ROCK1: variants seen among roughly 807,000 people sequenced by gnomAD.
ROCK1 encodes Rho associated coiled-coil containing protein kinase 1, also known as rho-associated protein kinase 1.
A neutral mutation model predicts 196.8 loss-of-function variants in ROCK1; 36 were observed. The observed-to-expected ratio is 0.18, with a 90% CI of 0.14 to 0.24. ROCK1 has a LOEUF of 0.24. ROCK1 is among the 10% of genes least tolerant of loss of function. The pLI is 1.00. For synonymous variants in ROCK1, 443 were observed against 515.9 expected (o/e 0.86, Z 1.91); for missense variants, 920 against 1,562.0 (o/e 0.59, Z 6.93).
chr18:21,048,682 T>A (rs2036180845), intron 4 of ROCK1, among the ~76,000 whole-genome samples: 1 of 152,216 alleles, frequency 6.6e-6, no homozygotes, highest in East Asian at 1.9e-4. Context: ...CCCCAGTAGC[T>A]GGAACCACAG....
chr18:20,967,487 G>A (rs146088452), intron 26 of ROCK1, among the ~76,000 whole-genome samples: 86 of 152,108 alleles, frequency 5.7e-4, no homozygotes, highest in African/African-American at 2.0e-3. Flanking sequence ...AAGCCAAGGG[G>A]TATCAAAAAA....
intron 1 of ROCK1, among the ~76,000 whole-genome samples, chr18:21,107,089 A>AT (rs1422866066): frequency 6.6e-6 from 1 of 152,180 alleles, no homozygotes; most frequent in Non-Finnish European, 1.5e-5. Context: ...CCTGAAGGTT[A>AT]TTTTTTGCAA....
chr18:21,105,733 A>T (rs1412677994), intron 1 of ROCK1, among the ~76,000 whole-genome samples: 2 of 152,248 alleles, frequency 1.3e-5, no homozygotes, highest in Non-Finnish European at 1.5e-5. Context: ...TGAGACTAAC[A>T]TGACATCCAA....
chr18:21,009,665 C>T (rs1213955661), intron 13 of ROCK1, among the ~76,000 whole-genome samples: 2 of 152,094 alleles, frequency 1.3e-5, no homozygotes, highest in Non-Finnish European at 2.9e-5. Flanking sequence ...ATTTTATATC[C>T]CCATCTGCAA....
intron 1 of ROCK1, 32 bp downstream of exon 1, chr18:21,110,786 C>G (rs375386559): frequency 6.4e-7 from 1 of 1,568,600 alleles, no homozygotes; most frequent in Admixed American, 1.7e-5. Flanking sequence ...ATGCAAAACC[C>G]CAGACAAGCA....
At chr18:21,024,037 AC>A (rs1568386320) in intron 10 of ROCK1, among the ~76,000 whole-genome samples, 1 of 152,132 alleles carries the variant, frequency 6.6e-6, no homozygotes, top group Non-Finnish European at 1.5e-5. Context: ...TTTCCACCAA[AC>A]AAATAACTTA....
At chr18:21,021,500 G>C (rs1287353429) in intron 11 of ROCK1, among the ~76,000 whole-genome samples, 1 of 152,196 alleles carries the variant, frequency 6.6e-6, no homozygotes, top group African/African-American at 2.4e-5. Flanking sequence ...AGAAATGTTT[G>C]AAGTTCCAAA....
In ROCK1 at chr18:21,042,081, T is replaced by G; in HGVS notation, c.959+16A>C. Reference sequence around the variant, plus strand: ...GTCCTCAGAATTAATACAGGCTCAGTTTTAAAATTATTTACCTGTCAGTAA... The same window carrying G: ...GTCCTCAGAATTAATACAGGCTCAGGTTTAAAATTATTTACCTGTCAGTAA... On this transcript the variant is annotated intron_variant, in intron 8 of 32. Transcript: ENST00000399799. 6.3e-7 allele frequency: 1 copy of G among 1,596,226 alleles called. No homozygotes were observed. Among genetic ancestry groups the G allele is most frequent in the Non-Finnish European group, 8.5e-7 (1 of 1,174,648 alleles).
intron 1 of ROCK1, among the ~76,000 whole-genome samples, chr18:21,108,826 T>C (rs2036725221): frequency 1.3e-5 from 2 of 152,212 alleles, no homozygotes; most frequent in Non-Finnish European, 2.9e-5. Flanking sequence ...ATTCATCTTC[T>C]TCATTCATCC....
At chr18:20,954,044 TC>T (rs1463865176) in intron 31 of ROCK1, among the ~76,000 whole-genome samples, 9 of 151,070 alleles carry the variant, frequency 6.0e-5, no homozygotes, top group African/African-American at 2.2e-4. Flanking sequence ...AAGCTTCTTA[TC>T]TGAAAATAGC....
chr18:21,060,385 A>G (rs1201967829), intron 2 of ROCK1, among the ~76,000 whole-genome samples: 1 of 152,234 alleles, frequency 6.6e-6, no homozygotes, highest in Non-Finnish European at 1.5e-5. Context: ...AGGATGCACA[A>G]CAACAGAAAC....
At chr18:21,066,809 C>T (rs1447564238) in intron 2 of ROCK1, among the ~76,000 whole-genome samples, 1 of 152,182 alleles carries the variant, frequency 6.6e-6, no homozygotes, top group Non-Finnish European at 1.5e-5. Flanking sequence ...TGTGGTTGTA[C>T]CACAATTTAT....
intron 12 of ROCK1, among the ~76,000 whole-genome samples, chr18:21,016,878 C>A (rs1044412184): frequency 7.3e-5 from 11 of 151,408 alleles, no homozygotes; most frequent in Admixed American, 2.0e-4. Flanking sequence ...ATTTCTTAGC[C>A]CCCCCGCAAA....
In ROCK1 at chr18:20,968,831, T is replaced by A. The variant is rs578202885; in HGVS notation, c.2944A>T (p.Ser982Cys). The change falls in exon 25 of 33, where the codon AGT becomes TGT. Residue 982 changes from serine to cysteine, a missense_variant. Physicochemically the swap from Ser to Cys is moderately radical, Grantham distance 112. Transcript: ENST00000399799. ...TTTTCAAAGGCAGCCTTAAGATTAC[T>A]GATCTCCTCCTCCTTCTCCAGTTTA... ...EYKLEKEEEI[S>C]NLKAAFEKNI... 14 of 1,607,080 alleles carry A rather than the reference T, an allele frequency of 8.7e-6. No individual in the cohort carries two copies. The highest frequency in any genetic ancestry group is 6.7e-5 in the African/African-American group (5 of 74,904).
At chr18:20,979,207 G>C (rs1430751859) in intron 22 of ROCK1, among the ~76,000 whole-genome samples, 1 of 152,140 alleles carries the variant, frequency 6.6e-6, no homozygotes, top group Admixed American at 6.5e-5. Context: ...GGTATTACAG[G>C]CATGAGCCAC....
intron 10 of ROCK1, among the ~76,000 whole-genome samples, chr18:21,025,177 T>C (rs974017703): frequency 6.6e-6 from 1 of 152,210 alleles, no homozygotes; most frequent in Admixed American, 6.5e-5. Flanking sequence ...CATTTGCATA[T>C]TATATTGGTG....
At chr18:21,067,840 TC>T (rs1872348381) in intron 2 of ROCK1, among the ~76,000 whole-genome samples, 1 of 152,236 alleles carries the variant, frequency 6.6e-6, no homozygotes, top group African/African-American at 2.4e-5. Context: ...ACCTATGTTT[TC>T]TCCTAAGAGT....
chr18:20,964,229 A>G (rs1357573467), intron 27 of ROCK1, among the ~76,000 whole-genome samples: 1 of 152,160 alleles, frequency 6.6e-6, no homozygotes, highest in Non-Finnish European at 1.5e-5. Flanking sequence ...TTTAGTACGT[A>G]TATTCATTTA....
At chr18:21,081,532 T>C (rs1213105054) in intron 1 of ROCK1, among the ~76,000 whole-genome samples, 1 of 151,682 alleles carries the variant, frequency 6.6e-6, no homozygotes, top group Non-Finnish European at 1.5e-5. Flanking sequence ...TGAAGATAAA[T>C]AAAACACAGA....
Sources: gnomAD v4.1 joint callset for allele counts (sites outside exome capture counted in the v4.1 genomes callset) on GRCh38, gnomAD v4.1.1 for gene constraint, MANE v1.5 for transcripts, NCBI Gene and HGNC (gene_info 2026-07-23, HGNC 2026-07-21) for gene names.